YIPF2: variants seen among roughly 807,000 people sequenced by gnomAD.
The protein encoded by YIPF2 is Yip1 domain family member 2.
Under a neutral mutation model 38.8 loss-of-function variants are expected in YIPF2, and 30 were observed. The observed-to-expected ratio is 0.77, with a 90% CI of 0.58 to 1.05. The LOEUF (loss-of-function observed/expected upper bound fraction) is 1.05, where lower values mean the gene tolerates loss of function less well. Among genes scored for constraint, YIPF2 ranks in the 50% least tolerant of loss-of-function variants. YIPF2 has a pLI of 0.00. For synonymous variants in YIPF2, 194 were observed against 183.8 expected (o/e 1.06, Z -0.45); for missense variants, 401 against 409.7 (o/e 0.98, Z 0.18).
intron 5 of YIPF2, among the ~76,000 whole-genome samples, chr19:10,924,741 T>C (rs889058777): frequency 9.2e-5 from 14 of 151,928 alleles, no homozygotes; most frequent in African/African-American, 3.1e-4. Context: ...AGAGCCTGCC[T>C]CCGCTCCTAA....
Position 10,923,346 on chromosome 19 carries a change from A to T in YIPF2, c.896T>A (p.Leu299Gln). ...AGGGGACAGCGCGATGTTTGAGGGC[A>T]GAGATGTGATTTGGGGTGGAGGAGC... Reference protein sequence around the residue: ...NVAPPPQITSLPSNIALSPTL... With the variant: ...NVAPPPQITSQPSNIALSPTL... Residue 299 changes from leucine (L) to glutamine (Q), a missense_variant, in exon 9 of 10, where the codon CTG becomes CAG. Coordinates refer to ENST00000586748, the MANE Select transcript of YIPF2 (RefSeq NM_001321439.2). The T allele has an allele frequency of 6.2e-7, 1 of 1,613,296 alleles. No homozygotes were observed. The highest frequency in any genetic ancestry group is 8.5e-7 in the Non-Finnish European group (1 of 1,179,620).
intron 5 of YIPF2, among the ~76,000 whole-genome samples, chr19:10,924,561 G>T (rs1055600597): frequency 1.3e-5 from 2 of 152,068 alleles, no homozygotes; most frequent in Non-Finnish European, 2.9e-5. Context: ...AGGGCCTTAT[G>T]CCTCCTCTAG....
At chr19:10,928,352 G>T (rs913798302) in intron 2 of YIPF2, 28 bp downstream of exon 2, 1 of 1,324,582 alleles carries the variant, frequency 7.5e-7, no homozygotes, top group Non-Finnish European at 9.7e-7. Context: ...GGGAGTGGGA[G>T]ATCCGGCCAC....
At position 10,927,802 on chromosome 19, in the gene YIPF2, G is replaced by A. The variant is rs1395343956; in HGVS notation, c.189C>T (p.Ala63=). ...EDEVEEESDK[A]ALLQEQQQQQ... ...GAGGCAGGACACAGGGACTCACCGC[G>A]GCCTTGTCACTCTCCTCCTCCACCT... The change falls in exon 3 of 10, where the codon GCC becomes GCT. Residue 63 remains alanine (A), a synonymous_variant. Transcript: ENST00000586748. 12 of 1,606,906 alleles carry A rather than the reference G, an allele frequency of 7.5e-6. No homozygotes were observed. The highest frequency in any genetic ancestry group is 1.6e-4 in the Middle Eastern group (1 of 6,070).
rs2074271663 is a variant in YIPF2, at chr19:10,922,462, T to TTCCCC, written c.*731_*732insGGGGA. ...TGTCCTGTCCCCGAGCCCCTGCAGG[T>TTCCCC]CCCCCCCCGCCCCCCCACTCAAGAG... On this transcript the variant is annotated 3_prime_UTR_variant, in exon 10 of 10. Coordinates refer to ENST00000586748, the MANE Select transcript of YIPF2 (RefSeq NM_001321439.2). 1 of 127,004 alleles carries TTCCCC rather than the reference T, an allele frequency of 7.9e-6. No individual in the cohort carries two copies. Among genetic ancestry groups the TTCCCC allele is most frequent in the Non-Finnish European group, 1.7e-5 (1 of 60,150 alleles). The allele number at this position is 127,004 out of a possible 1,614,324, so 7.9% of individuals were successfully genotyped here.
chr19:10,925,907 T>A, intron 4 of YIPF2, 134 bp from the exon 5 acceptor site: 3 of 260,274 alleles, frequency 1.2e-5, no homozygotes, highest in Non-Finnish European at 1.3e-5. Context: ...TTCCCTCTCT[T>A]TTTTTTTTTT....
Position 10,922,951 on chromosome 19 carries a change from G to A in YIPF2, c.*243C>T, listed in dbSNP as rs895714221. 12 of 204,472 alleles carry A rather than the reference G, an allele frequency of 5.9e-5. No individual in the cohort carries two copies. Among genetic ancestry groups the A allele is most frequent in the African/African-American group, 1.9e-4 (8 of 42,268 alleles). 12.7% of individuals were successfully genotyped at this position (204,472 alleles called of 1,614,324 possible). A position where few individuals can be genotyped will look rare whatever the true frequency, so the allele number is the denominator to read the frequency against. On this transcript the variant is annotated 3_prime_UTR_variant, in exon 10 of 10. Transcript: ENST00000586748. ...CCATAGGAGGGAAAGCAGGTGGCCC[G>A]GGGGGGATATGGGGGCCCCAGCCCT... is the stretch of plus-strand genomic sequence containing the variant.
intron 7 of YIPF2, 74 bp downstream of exon 7, chr19:10,923,759 G>A (rs913120972): frequency 1.9e-6 from 3 of 1,581,740 alleles, no homozygotes; most frequent in Non-Finnish European, 2.6e-6. Context: ...TCACCACCAT[G>A]GGAATGAGGC....
In YIPF2 at chr19:10,924,167, C is replaced by G; in HGVS notation, c.393G>C (p.Leu131Phe). 1 of 1,612,870 alleles carries G rather than the reference C, an allele frequency of 6.2e-7. No homozygotes were observed. Among genetic ancestry groups the G allele is most frequent in the Non-Finnish European group, 8.5e-7 (1 of 1,179,888 alleles). Residue 131 changes from leucine to phenylalanine, a missense_variant, in exon 6 of 10, where the codon TTG becomes TTC. Physicochemically the swap from Leu to Phe is conservative, Grantham distance 22 (BLOSUM62 0). Transcript: ENST00000586748. ...LYGPFWICAT[L>F]AFVLAVTGNL... ...TGCCAGTGACGGCCAGGACAAAGGC[C>G]AACGTGGCACAGATCCAGAAGGGGC...
intron 4 of YIPF2, 147 bp downstream of exon 4, chr19:10,927,483 G>A (rs1599727797): frequency 3.8e-6 from 4 of 1,051,622 alleles, no homozygotes; most frequent in East Asian, 2.6e-5. Flanking sequence ...CCATAGTCCC[G>A]ATCCATAACC....
chr19:10,925,720 C>T lies in YIPF2; in HGVS notation c.333G>A (p.Val111=). 1 of 1,614,032 alleles carries T rather than the reference C, an allele frequency of 6.2e-7. No individual in the cohort carries two copies. The highest frequency in any genetic ancestry group is 8.5e-7 in the Non-Finnish European group (1 of 1,180,002). ...CCGGCCGATTCCGCAGATGGTGCCG[C>T]ACAAAGTTGTGGCCAGGCCGGGGCA... ...SLLPRPGHNF[V]RHHLRNRPDL... is the part of the protein sequence containing the mutation. Residue 111 remains valine (V), a synonymous_variant, in exon 5 of 10, where the codon GTG becomes GTA. Transcript: ENST00000586748.
rs1170046034 is a variant in YIPF2 at position 10,928,516 on chromosome 19, G to A, written c.-36C>T. 2.4e-5 allele frequency: 31 copies of A among 1,296,396 alleles called. No individual in the cohort carries two copies. Among genetic ancestry groups the A allele is most frequent in the Non-Finnish European group, 2.0e-6 (2 of 1,005,340 alleles). 80.3% of individuals were successfully genotyped at this position (1,296,396 alleles called of 1,614,324 possible). A position where few individuals can be genotyped will look rare whatever the true frequency, so the allele number is the denominator to read the frequency against. On this transcript the variant is annotated 5_prime_UTR_variant, in exon 1 of 10. Transcript: ENST00000586748. ...CCCTCGGCCCCCAGCCCTACCTGGC[G>A]ACCAACTGCACCCACGGAGGCTTGA...
At position 10,923,352 on chromosome 19, in the gene YIPF2, G is replaced by A. The variant is rs755833753; in HGVS notation, c.890C>T (p.Thr297Ile). ...CAGCGCGATGTTTGAGGGCAGAGAT[G>A]TGATTTGGGGTGGAGGAGCCACGTT... ...PENVAPPPQITSLPSNIALSP... is the reference protein window; with the variant it reads ...PENVAPPPQIISLPSNIALSP... The change falls in exon 9 of 10, where the codon ACA becomes ATA. Residue 297 changes from threonine (T) to isoleucine (I), a missense_variant. Transcript: ENST00000586748. 2.0e-5 allele frequency: 33 copies of A among 1,613,290 alleles called. 1 individual carries two copies. The highest frequency in any genetic ancestry group is 3.3e-4 in the Middle Eastern group (2 of 6,064).
At position 10,927,728 on chromosome 19, in the gene YIPF2, G is replaced by C. The variant is rs199654122; in HGVS notation, c.193-12C>G. 1 of 1,612,936 alleles carries C rather than the reference G, an allele frequency of 6.2e-7. No homozygotes were observed. The highest frequency in any genetic ancestry group is 8.5e-7 in the Non-Finnish European group (1 of 1,179,934). Reference sequence around the variant, plus strand: ...TGCTCCTGCAGGAGCTGCACATTGCGGGCATTCAGTGCCTGCCCGGAGAGC... The same window carrying C: ...TGCTCCTGCAGGAGCTGCACATTGCCGGCATTCAGTGCCTGCCCGGAGAGC... On this transcript the variant is annotated splice_polypyrimidine_tract_variant and intron_variant, in intron 3 of 9. Transcript: ENST00000586748.
At chr19:10,923,711 G>A (rs1388894375) in intron 7 of YIPF2, 34 bp from the exon 8 acceptor site, 1 of 1,585,488 alleles carries the variant, frequency 6.3e-7, no homozygotes, top group Non-Finnish European at 8.6e-7. Context: ...GACCATGCCA[G>A]TCCCCCCAGC....
chr19:10,923,691 G>A lies in YIPF2; in HGVS notation c.652-14C>T, dbSNP rs150638704. 935 of 1,596,638 alleles carry A rather than the reference G, an allele frequency of 5.9e-4. 9 individuals are homozygous for A. In the Middle Eastern group the frequency reaches 6.0e-3, roughly 10 times the overall value. ...GAGCCACAGGACCTGGGAGCAACACGGCGGCAGGTGACCATGCCAGTCCCC... is the reference window on the plus strand; with the variant it reads ...GAGCCACAGGACCTGGGAGCAACACAGCGGCAGGTGACCATGCCAGTCCCC... On this transcript the variant is annotated splice_polypyrimidine_tract_variant and intron_variant, in intron 7 of 9. Coordinates refer to ENST00000586748, the MANE Select transcript of YIPF2 (RefSeq NM_001321439.2).
At position 10,927,737 on chromosome 19, in the gene YIPF2, G is replaced by C. The variant is rs563349006; in HGVS notation, c.193-21C>G. The C allele has an allele frequency of 2.0e-5, 32 of 1,612,474 alleles. No individual in the cohort carries two copies. In the East Asian group the frequency reaches 6.9e-4, roughly 35 times the overall value. The stretch of plus-strand genomic sequence containing the variant: ...AGGAGCTGCACATTGCGGGCATTCA[G>C]TGCCTGCCCGGAGAGCCTGGGTCAG... On this transcript the variant is annotated intron_variant, in intron 3 of 9. Transcript: ENST00000586748.
Position 10,923,657 on chromosome 19 carries a change from C to T in YIPF2, c.672G>A (p.Val224=), listed in dbSNP as rs2074308390. The T allele has an allele frequency of 1.2e-5, 19 of 1,610,878 alleles. No homozygotes were observed. The highest frequency in any genetic ancestry group is 1.5e-5 in the Non-Finnish European group (18 of 1,178,142). The change falls in exon 8 of 10, where the codon GTG becomes GTA. Residue 224 remains valine (V), a synonymous_variant. Coordinates refer to ENST00000586748, the MANE Select transcript of YIPF2 (RefSeq NM_001321439.2). ...CCCCAAAGAGCCACTGCAGCCAAGG[C>T]ACAGGGATGAGCCACAGGACCTGGG... ...IPMVVLWLIP[V]PWLQWLFGAL...
In YIPF2 at chr19:10,923,990, G is replaced by A. The variant is rs776430217; in HGVS notation, c.494C>T (p.Ala165Val). ...YSPQFHKVTV[A>V]GISIYCYAWL... is the part of the protein sequence containing the mutation. ...CGCATAGCAGTAGATGCTGATGCCT[G>A]CCACGGTCACTGGGGGGGGCAAGGT... The change falls in exon 7 of 10, where the codon GCA becomes GTA. Residue 165 changes from alanine to valine, a missense_variant. Coordinates refer to ENST00000586748, the MANE Select transcript of YIPF2 (RefSeq NM_001321439.2). The A allele has an allele frequency of 6.2e-6, 10 of 1,612,860 alleles. No individual in the cohort carries two copies. Among genetic ancestry groups the A allele is most frequent in the Non-Finnish European group, 6.8e-6 (8 of 1,179,432 alleles).
Sources: gnomAD v4.1 joint callset for allele counts (sites outside exome capture counted in the v4.1 genomes callset) on GRCh38, gnomAD v4.1.1 for gene constraint, MANE v1.5 for transcripts, NCBI Gene and HGNC (gene_info 2026-07-23, HGNC 2026-07-21) for gene names.